COLEC12: variants seen among roughly 807,000 people sequenced by gnomAD.
The protein encoded by COLEC12 is collectin subfamily member 12.
A neutral mutation model predicts 71.1 loss-of-function variants in COLEC12; 33 were observed. The observed-to-expected ratio is 0.46, with a 90% CI of 0.35 to 0.62. The LOEUF is 0.62. Ranked by LOEUF, COLEC12 falls within the 20% of genes least tolerant of loss-of-function variation. The probability of loss-of-function intolerance (pLI) is 0.00; values close to 1 mark genes in which losing one functional copy is unlikely to be tolerated. For missense variants in COLEC12, 765 were observed against 916.1 expected (o/e 0.84, Z 2.13); for synonymous variants, 350 against 353.0 (o/e 0.99, Z 0.10).
intron 2 of COLEC12, among the ~76,000 whole-genome samples, chr18:381,895 A>T (rs67148740): frequency 0.31 from 47,092 of 151,302 alleles, 8,100 homozygotes; most frequent in East Asian, 0.43. Flanking sequence ...TTTTTTTTTT[A>T]AAAAGCTCAC....
At chr18:396,847 G>A (rs1051681186) in intron 2 of COLEC12, among the ~76,000 whole-genome samples, 2 of 152,220 alleles carry the variant, frequency 1.3e-5, no homozygotes, top group African/African-American at 2.4e-5. Context: ...ATGATTAAAT[G>A]CAAGAGGCCA....
rs371578377 is a variant in COLEC12, at chr18:489,479, C to CT, written c.8-8723dup. Among the ~76,000 whole-genome samples the CT allele has an allele frequency of 1.5e-3, 231 of 152,274 alleles. 1 individual carries two copies. Among genetic ancestry groups the CT allele is most frequent in the African/African-American group, 5.2e-3 (215 of 41,554 alleles). On this transcript the variant is annotated intron_variant, in intron 1 of 9. Coordinates refer to ENST00000400256, the MANE Select transcript of COLEC12 (RefSeq NM_130386.3). Reference sequence around the variant, plus strand: ...TGTGTGTATATATCCTAACCTAACTCTAACTCTCAGCTGGTCAGAATGCTC... The same window carrying CT: ...TGTGTGTATATATCCTAACCTAACTCTTAACTCTCAGCTGGTCAGAATGCTC...
At chr18:455,242 C>T (rs948429662) in intron 2 of COLEC12, among the ~76,000 whole-genome samples, 1 of 151,166 alleles carries the variant, frequency 6.6e-6, no homozygotes, top group Non-Finnish European at 1.5e-5. Flanking sequence ...AACAGCACAG[C>T]ATACTTTATT....
In COLEC12 at chr18:325,627, C is replaced by CTTTTTTTTTTTTTTTTTTTTTTTTTTTTT. The variant is rs760407917; in HGVS notation, c.2064-3849_2064-3821dup. 7.7e-5 allele frequency among the ~76,000 whole-genome samples: 4 copies of CTTTTTTTTTTTTTTTTTTTTTTTTTTTTT among 51,842 alleles called. 2 individuals are homozygous for CTTTTTTTTTTTTTTTTTTTTTTTTTTTTT. The highest frequency in any genetic ancestry group is 1.3e-4 in the Non-Finnish European group (4 of 31,192). The allele number at this position is 51,842 out of a possible 152,430, so 34.0% of individuals were successfully genotyped here. ...TTACACCAAGAGTAAAAGGATCAGC[C>CTTTTTTTTTTTTTTTTTTTTTTTTTTTTT]TTTTTTTTTTTTTTTTTTTTTTTTT... On this transcript the variant is annotated intron_variant, in intron 8 of 9. Coordinates refer to ENST00000400256, the MANE Select transcript of COLEC12 (RefSeq NM_130386.3).
intron 5 of COLEC12, among the ~76,000 whole-genome samples, chr18:343,830 T>C (rs536537825): frequency 6.6e-6 from 1 of 152,366 alleles, no homozygotes; most frequent in South Asian, 2.1e-4. Flanking sequence ...ACATTGTAAG[T>C]AGCTGCTTCA....
chr18:373,503 T>C (rs607796), intron 2 of COLEC12, among the ~76,000 whole-genome samples: 151,568 of 152,332 alleles, frequency 0.99, 75,411 homozygotes, highest in Middle Eastern at 1. Flanking sequence ...AACTGGAACC[T>C]GATATCAAAA....
intron 2 of COLEC12, among the ~76,000 whole-genome samples, chr18:442,874 T>C (rs1228278216): frequency 1.3e-5 from 2 of 152,208 alleles, no homozygotes; most frequent in Non-Finnish European, 2.9e-5. Context: ...GGCAGGAGAA[T>C]GGCGTGAACC....
intron 2 of COLEC12, among the ~76,000 whole-genome samples, chr18:421,978 G>C (rs1916107741): frequency 6.6e-6 from 1 of 152,152 alleles, no homozygotes; most frequent in African/African-American, 2.4e-5. Flanking sequence ...ATTACTGCTG[G>C]GTGAGTCACT....
intron 2 of COLEC12, among the ~76,000 whole-genome samples, chr18:464,187 T>C (rs555347511): frequency 2.6e-5 from 4 of 152,210 alleles, no homozygotes; most frequent in Admixed American, 6.5e-5. Context: ...ACTTGTATTA[T>C]CTGCTATTGT....
intron 1 of COLEC12, among the ~76,000 whole-genome samples, chr18:484,156 G>A (rs1422741990): frequency 3.3e-5 from 5 of 152,096 alleles, no homozygotes; most frequent in Non-Finnish European, 7.4e-5. Context: ...GTTTGTTTTC[G>A]TTTCCCTCTC....
At chr18:451,865 G>A (rs528874991) in intron 2 of COLEC12, among the ~76,000 whole-genome samples, 186 of 152,316 alleles carry the variant, frequency 1.2e-3, no homozygotes, top group African/African-American at 3.9e-3. Context: ...ATTTCCAGGG[G>A]GAGGAAATCA....
At chr18:391,720 C>G (rs1443413383) in intron 2 of COLEC12, among the ~76,000 whole-genome samples, 1 of 152,204 alleles carries the variant, frequency 6.6e-6, no homozygotes, top group Non-Finnish European at 1.5e-5. Flanking sequence ...TTCTCCACCA[C>G]ACACCAAGTT....
At chr18:396,698 T>C (rs35407329) in intron 2 of COLEC12, among the ~76,000 whole-genome samples, 10,498 of 152,316 alleles carry the variant, frequency 0.069, 441 homozygotes, top group South Asian at 0.11. Context: ...GAAGCCTTTC[T>C]GCAAAGCAAA....
chr18:490,971 T>C (rs1598381940), intron 1 of COLEC12, among the ~76,000 whole-genome samples: 2 of 152,250 alleles, frequency 1.3e-5, no homozygotes, highest in Non-Finnish European at 2.9e-5. Context: ...CATTCCCAGC[T>C]CTTGTACATT....
intron 2 of COLEC12, among the ~76,000 whole-genome samples, chr18:385,223 A>C (rs1460729648): frequency 1.3e-5 from 2 of 152,202 alleles, no homozygotes; most frequent in Admixed American, 1.3e-4. Flanking sequence ...TCAGGTTAAA[A>C]AAATAGCATC....
At position 319,335 on chromosome 18, in the gene COLEC12, A is replaced by ATATATATATATATATAT. The variant is rs1354755711; in HGVS notation, c.*709_*710insATATATATATATATATA. 4.8e-5 allele frequency: 2 copies of ATATATATATATATATAT among 42,074 alleles called. No individual in the cohort carries two copies. The highest frequency in any genetic ancestry group is 1.3e-4 in the Non-Finnish European group (2 of 14,866). The allele number at this position is 42,074 out of a possible 1,614,324, so 2.6% of individuals were successfully genotyped here. A position where few individuals can be genotyped will look rare whatever the true frequency, so the allele number is the denominator to read the frequency against. On this transcript the variant is annotated 3_prime_UTR_variant, in exon 10 of 10. Transcript: ENST00000400256. ...AAATGAAACATTAAAAAAAAAAAAAAAAAAAAATATATATATATATATATA... is the reference window on the plus strand; with the variant it reads ...AAATGAAACATTAAAAAAAAAAAAAATATATATATATATATATAAAAAAATATATATATATATATATA...
intron 2 of COLEC12, among the ~76,000 whole-genome samples, chr18:432,056 C>G (rs1946756634): frequency 6.6e-6 from 1 of 152,176 alleles, no homozygotes; most frequent in Non-Finnish European, 1.5e-5. Context: ...ATGGAAAGAT[C>G]ACTGCTGTCA....
At position 319,373 on chromosome 18, in the gene COLEC12, T is replaced by C. The variant is rs1487442395; in HGVS notation, c.*672A>G. 5 of 143,336 alleles carry C rather than the reference T, an allele frequency of 3.5e-5. No homozygotes were observed. The highest frequency in any genetic ancestry group is 6.1e-5 in the Non-Finnish European group (4 of 65,450). 8.9% of individuals were successfully genotyped at this position (143,336 alleles called of 1,614,324 possible). A position where few individuals can be genotyped will look rare whatever the true frequency, so the allele number is the denominator to read the frequency against. On this transcript the variant is annotated 3_prime_UTR_variant, in exon 10 of 10. Coordinates refer to ENST00000400256, the MANE Select transcript of COLEC12 (RefSeq NM_130386.3). ...ATATATATATATATATACACATGTA[T>C]ATTTAATTATTTTTTTAAAGCCACA...
intron 1 of COLEC12, among the ~76,000 whole-genome samples, chr18:481,369 C>G (rs577477073): frequency 1.3e-5 from 2 of 152,084 alleles, no homozygotes; most frequent in South Asian, 2.1e-4. Context: ...CAAAAGGCAG[C>G]CTTACTGTGG....
Sources: allele counts gnomAD v4.1 joint callset (sites outside exome capture counted in the v4.1 genomes callset), GRCh38; gene constraint gnomAD v4.1.1; transcripts MANE v1.5; gene names NCBI Gene and HGNC (gene_info 2026-07-23, HGNC 2026-07-21).